Variants in CERKL observed in about 807,000 individuals in gnomAD.
The protein encoded by CERKL is ceramide kinase-like protein.
A neutral mutation model predicts 63.4 loss-of-function variants in CERKL; 61 were observed. That is an observed-to-expected ratio of 0.96 (90% CI 0.78 to 1.19). The LOEUF is 1.19. Ranked by LOEUF, CERKL falls within the 50% of genes most tolerant of loss-of-function variation. CERKL has a pLI of 0.00. For missense variants in CERKL, 675 were observed against 655.5 expected, an observed-to-expected ratio of 1.03 and a Z score of -0.33; for synonymous variants, 250 against 230.5, an observed-to-expected ratio of 1.08 and a Z score of -0.77.
At chr2:181,627,041 T>C (rs1403773908) in intron 1 of CERKL, among the ~76,000 whole-genome samples, 8 of 152,254 alleles carry the variant, frequency 5.3e-5, no homozygotes, top group African/African-American at 1.9e-4. Flanking sequence ...TGGTTTCATA[T>C]TGCTTGTAGA....
chr2:181,587,437 T>A (rs562951053), intron 2 of CERKL, among the ~76,000 whole-genome samples: 25 of 152,236 alleles, frequency 1.6e-4, no homozygotes, highest in African/African-American at 6.0e-4. Context: ...AGAAGAAAAA[T>A]TCAGCCAAAT....
intron 1 of CERKL, among the ~76,000 whole-genome samples, chr2:181,648,356 T>C (rs1472286601): frequency 6.6e-6 from 1 of 152,194 alleles, no homozygotes; most frequent in Non-Finnish European, 1.5e-5. Context: ...ATTAAATTAC[T>C]GATGTATGCC....
chr2:181,575,302 C>A (rs1689082722), intron 2 of CERKL, among the ~76,000 whole-genome samples: 1 of 152,208 alleles, frequency 6.6e-6, no homozygotes, highest in Non-Finnish European at 1.5e-5. Flanking sequence ...TCAGAATCCT[C>A]CTGCTCCCAA....
chr2:181,568,357 G>A (rs567364441), intron 3 of CERKL, among the ~76,000 whole-genome samples: 1 of 152,162 alleles, frequency 6.6e-6, no homozygotes, highest in South Asian at 2.1e-4. Context: ...CAAATATATT[G>A]TTCTTTTTGT....
At chr2:181,596,366 C>T (rs1271781788) in intron 2 of CERKL, among the ~76,000 whole-genome samples, 1 of 152,026 alleles carries the variant, frequency 6.6e-6, no homozygotes, top group East Asian at 1.9e-4. Flanking sequence ...CACCAGGGCC[C>T]GTGAGAAGCC....
chr2:181,609,090 T>A (rs1392456910), intron 1 of CERKL, among the ~76,000 whole-genome samples: 3 of 152,166 alleles, frequency 2.0e-5, no homozygotes, highest in Non-Finnish European at 2.9e-5. Flanking sequence ...ATATTTTCCA[T>A]GCCAGTATTC....
At chr2:181,567,999 A>G (rs2105836710) in intron 3 of CERKL, among the ~76,000 whole-genome samples, 1 of 152,270 alleles carries the variant, frequency 6.6e-6, no homozygotes, top group South Asian at 2.1e-4. Flanking sequence ...GAGATTGCCA[A>G]CCTGTGCTCT....
At chr2:181,545,130 CTA>C (rs1687665515) in intron 10 of CERKL, among the ~76,000 whole-genome samples, 2 of 152,182 alleles carry the variant, frequency 1.3e-5, no homozygotes, top group South Asian at 4.1e-4. Context: ...AAATGTGAAA[CTA>C]TGTTGTTAAA....
chr2:181,605,555 C>T (rs1248104291), intron 1 of CERKL, among the ~76,000 whole-genome samples: 1 of 152,066 alleles, frequency 6.6e-6, no homozygotes, highest in Non-Finnish European at 1.5e-5. Context: ...TGCTGTGATT[C>T]CACCTAACAA....
In CERKL at chr2:181,620,494, C is replaced by A. The variant is rs138860438; in HGVS notation, c.239-16415G>T. On this transcript the variant is annotated intron_variant, in intron 1 of 12. Transcript: ENST00000410087. ...CCCCTCAATGCTCTCAATATTTGAT[C>A]ATAAGATGACAAAAAAGTATTCAGA... Among the ~76,000 whole-genome samples, 253 of 152,266 alleles carry A rather than the reference C, an allele frequency of 1.7e-3. 2 individuals are homozygous for A. Among genetic ancestry groups the A allele is most frequent in the Middle Eastern group, 0.014 (4 of 294 alleles).
chr2:181,594,648 T>C (rs1184987290), intron 2 of CERKL, among the ~76,000 whole-genome samples: 4 of 152,186 alleles, frequency 2.6e-5, no homozygotes, highest in African/African-American at 9.7e-5. Context: ...GTGAAACTAG[T>C]AAAAACAGAA....
At chr2:181,649,003 G>A (rs1687786253) in intron 1 of CERKL, among the ~76,000 whole-genome samples, 1 of 152,068 alleles carries the variant, frequency 6.6e-6, no homozygotes, top group South Asian at 2.1e-4. Context: ...AAGAGAGAAA[G>A]AAGAACTGAG....
At chr2:181,612,148 G>A (rs559671354) in intron 1 of CERKL, among the ~76,000 whole-genome samples, 1 of 152,286 alleles carries the variant, frequency 6.6e-6, no homozygotes, top group Non-Finnish European at 1.5e-5. Context: ...CATCTGGTAG[G>A]AACAGATCTA....
chr2:181,572,927 C>G (rs1379580630), intron 3 of CERKL, among the ~76,000 whole-genome samples: 2 of 152,082 alleles, frequency 1.3e-5, no homozygotes, highest in African/African-American at 4.8e-5. Flanking sequence ...CCCTAGGAAT[C>G]TATAACTGGG....
chr2:181,548,961 G>A, intron 6 of CERKL, 104 bp from the exon 7 acceptor site: 1 of 990,174 alleles, frequency 1.0e-6, no homozygotes, highest in Non-Finnish European at 1.6e-6. Context: ...AATATCTAAA[G>A]GTACTGTAGA....
At chr2:181,539,678 C>A (rs544696219) in intron 11 of CERKL, among the ~76,000 whole-genome samples, 3 of 152,244 alleles carry the variant, frequency 2.0e-5, no homozygotes, top group African/African-American at 7.2e-5. Context: ...TTTGGAAGAA[C>A]GCAAGTCTAA....
chr2:181,600,856 G>C (rs1685428770), intron 2 of CERKL, among the ~76,000 whole-genome samples: 1 of 152,104 alleles, frequency 6.6e-6, no homozygotes, highest in Non-Finnish European at 1.5e-5. Flanking sequence ...TGACCAAATG[G>C]ACCTGACAGA....
chr2:181,579,909 T>C (rs1249749974), intron 2 of CERKL, among the ~76,000 whole-genome samples: 1 of 151,914 alleles, frequency 6.6e-6, no homozygotes, highest in Non-Finnish European at 1.5e-5. Flanking sequence ...TTTGGATCTC[T>C]TTCTGCACTG....
At chr2:181,596,864 T>C (rs988564523) in intron 2 of CERKL, among the ~76,000 whole-genome samples, 1 of 152,168 alleles carries the variant, frequency 6.6e-6, no homozygotes, top group Non-Finnish European at 1.5e-5. Flanking sequence ...TCAGAACCTC[T>C]CAATCCTCGG....
Sources: gnomAD v4.1 joint callset for allele counts (sites outside exome capture counted in the v4.1 genomes callset) on GRCh38, gnomAD v4.1.1 for gene constraint, MANE v1.5 for transcripts, NCBI Gene and HGNC (gene_info 2026-07-23, HGNC 2026-07-21) for gene names.